The following MAN2C1 variants were observed in gnomAD, a reference collection of about 807,000 sequenced individuals.
The protein encoded by MAN2C1 is mannosidase alpha class 2C member 1.
Under a neutral mutation model 126.9 loss-of-function variants are expected in MAN2C1, and 111 were observed. The ratio of observed to expected loss-of-function variants is 0.87; its 90% confidence interval spans 0.75 to 1.02. The LOEUF (loss-of-function observed/expected upper bound fraction) is 1.02, where lower values mean the gene tolerates loss of function less well. Ranked by LOEUF, MAN2C1 falls within the 50% of genes least tolerant of loss-of-function variation. The probability of loss-of-function intolerance (pLI) is 0.00; values close to 1 mark genes in which losing one functional copy is unlikely to be tolerated. For missense variants in MAN2C1, 1,363 were observed against 1,364.4 expected, an observed-to-expected ratio of 1.00 and a Z score of 0.02; for synonymous variants, 567 against 561.5, an observed-to-expected ratio of 1.01 and a Z score of -0.14.
At position 75,358,778 on chromosome 15, in the gene MAN2C1, G is replaced by A. The variant is rs368613268; in HGVS notation, c.2172C>T (p.Asn724=). ...GGACATCATCAAATAGCACAAACTG[G>A]TTCCCCACGGCGCCCTCAGCAATGG... is the stretch of plus-strand genomic sequence containing the variant. The part of the protein sequence containing the change: ...REAIAEGAVG[N]QFVLFDDVPL... The change falls in exon 19 of 26, where the codon AAC becomes AAT. Residue 724 remains asparagine, a synonymous_variant. Transcript: ENST00000267978. 5.0e-6 allele frequency: 8 copies of A among 1,613,500 alleles called. No homozygotes were observed. The highest frequency in any genetic ancestry group is 3.3e-5 in the Admixed American group (2 of 59,942).
rs1170442237 is a variant in MAN2C1 at position 75,356,173 on chromosome 15, T to A, written c.2933A>T (p.Glu978Val). 7 of 1,613,552 alleles carry A rather than the reference T, an allele frequency of 4.3e-6. No individual in the cohort carries two copies. The highest frequency in any genetic ancestry group is 5.1e-6 in the Non-Finnish European group (6 of 1,179,954). Reference sequence around the variant, plus strand: ...GCAGTCCACGTGGCTGCCGTGGGCCTCATACAGCCTCAGGACCAGCGAGCG... The same window carrying A: ...GCAGTCCACGTGGCTGCCGTGGGCCACATACAGCCTCAGGACCAGCGAGCG... ...QRRSLVLRLYEAHGSHVDCWL... is the reference protein window; with the variant it reads ...QRRSLVLRLYVAHGSHVDCWL... The change falls in exon 25 of 26, where the codon GAG becomes GTG. Residue 978 changes from glutamate (E) to valine (V), a missense_variant. Around this residue, in one of 3 missense-constraint regions of MAN2C1, gnomAD observed 668 missense variants for 650.1 expected, o/e 1.03. Coordinates refer to ENST00000267978, the MANE Select transcript of MAN2C1 (RefSeq NM_006715.4). This position sits in a 1 kb window ranked among gnomAD's most constrained non-coding sequence, Gnocchi z 5.8.
intron 19 of MAN2C1, 23 bp downstream of exon 19, chr15:75,358,681 C>CCCACATACTGCCCAGCCCATA (rs1555434782): frequency 3.7e-6 from 6 of 1,603,640 alleles, no homozygotes; most frequent in Non-Finnish European, 5.1e-6. Context: ...CTCCACCATC[C>CCCACATACTGCCCAGCCCATA]CCACATGCTG....
At position 75,358,730 on chromosome 15, in the gene MAN2C1, G is replaced by T. The variant is rs376793963; in HGVS notation, c.2220C>A (p.Asp740Glu). The T allele has an allele frequency of 1.2e-5, 14 of 1,206,822 alleles. No homozygotes were observed. Among genetic ancestry groups the T allele is most frequent in the Non-Finnish European group, 1.7e-5 (14 of 834,196 alleles). 74.8% of individuals were successfully genotyped at this position (1,206,822 alleles called of 1,614,324 possible). A position where few individuals can be genotyped will look rare whatever the true frequency, so the allele number is the denominator to read the frequency against. Residue 740 changes from aspartate (D) to glutamate (E), a missense_variant, in exon 19 of 26, where the codon GAC becomes GAA. Physicochemically the swap from Asp to Glu is conservative, Grantham distance 45. Coordinates refer to ENST00000267978, the MANE Select transcript of MAN2C1 (RefSeq NM_006715.4). ...DDVPLYWDAWDVMDYHLETRK... is the reference protein window; with the variant it reads ...DDVPLYWDAWEVMDYHLETRK... ...GTGTCTCCAGGTGGTAGTCCATGAC[G>T]TCCCATGCATCCCAGTACAAGGGGA...
chr15:75,361,919 A>G lies in MAN2C1; in HGVS notation c.1037T>C (p.Met346Thr). Reference sequence around the variant, plus strand: ...CTGGCCCTGCAAAAACTGCCTCACCATGGCCTCTCCACTGGGCAGGTTCCC... The same window carrying G: ...CTGGCCCTGCAAAAACTGCCTCACCGTGGCCTCTCCACTGGGCAGGTTCCC... ...MDGNLPSGEA[M>T]VRQFLQGQNF... The change falls in exon 9 of 26, where the codon ATG becomes ACG. Residue 346 changes from methionine (M) to threonine (T), a missense_variant. Met to Thr is a moderately conservative substitution (Grantham distance 81). Transcript: ENST00000267978. This position sits in a 1 kb window ranked among gnomAD's most constrained non-coding sequence, Gnocchi z 5.0. 3 of 1,614,090 alleles carry G rather than the reference A, an allele frequency of 1.9e-6. No individual in the cohort carries two copies. Among genetic ancestry groups the G allele is most frequent in the Non-Finnish European group, 2.5e-6 (3 of 1,179,992 alleles).
chr15:75,363,520 A>G (rs941121432), intron 6 of MAN2C1, among the ~76,000 whole-genome samples: 2 of 152,146 alleles, frequency 1.3e-5, no homozygotes, highest in African/African-American at 4.8e-5. Flanking sequence ...GAAAGAATAA[A>G]TGAGGCTGGG....
chr15:75,356,561 A>G lies in MAN2C1; in HGVS notation c.2737+45T>C. On this transcript the variant is annotated intron_variant, in intron 23 of 25. Coordinates refer to ENST00000267978, the MANE Select transcript of MAN2C1 (RefSeq NM_006715.4). This position sits in a 1 kb window ranked among gnomAD's most constrained non-coding sequence, Gnocchi z 5.8. The stretch of plus-strand genomic sequence containing the variant: ...GGTTTGGGCTCAGGGAAGGGCAGAG[A>G]GGTGTCTAGGGCTGCAGGAAGGCCC... 1 of 1,549,106 alleles carries G rather than the reference A, an allele frequency of 6.5e-7. No individual in the cohort carries two copies. The highest frequency in any genetic ancestry group is 8.7e-7 in the Non-Finnish European group (1 of 1,145,516).
chr15:75,363,027 C>T (rs775631383), intron 6 of MAN2C1: 3 of 450,762 alleles, frequency 6.7e-6, no homozygotes, highest in Admixed American at 3.3e-5. Context: ...ATTAGACATC[C>T]CCTAGAGGAT....
chr15:75,367,220 G>A (rs746539677), intron 3 of MAN2C1, among the ~76,000 whole-genome samples: 3 of 152,108 alleles, frequency 2.0e-5, no homozygotes, highest in Admixed American at 6.5e-5. Context: ...GCATGAATAA[G>A]ACACTTAACA....
Position 75,359,972 on chromosome 15 carries a change from G to A in MAN2C1, c.1723C>T (p.Gln575Ter). 1 of 1,613,960 alleles carries A rather than the reference G, an allele frequency of 6.2e-7. No individual in the cohort carries two copies. The highest frequency in any genetic ancestry group is 8.5e-7 in the Non-Finnish European group (1 of 1,179,900). The part of the protein sequence containing the change: ...QHLWRLLLLN[Q>*]FHDVVTGSCI... ...CTTCCAGTCACCACATCATGGAACTGGTTCAGAAGAAGGAGCCTGCAGGGG... is the reference window on the plus strand; with the variant it reads ...CTTCCAGTCACCACATCATGGAACTAGTTCAGAAGAAGGAGCCTGCAGGGG... The change falls in exon 15 of 26, where the codon CAG (glutamine) becomes TAG (stop). Residue 575 changes from glutamine (Q) to a stop codon, truncating the protein, a stop_gained. Transcript: ENST00000267978. LOFTEE classifies it high-confidence loss of function.
chr15:75,358,883 G>A, intron 18 of MAN2C1, 75 bp from the exon 19 acceptor site: 1 of 1,394,946 alleles, frequency 7.2e-7, no homozygotes, highest in Non-Finnish European at 1.0e-6. Flanking sequence ...GGGGTAGGGT[G>A]GAGTGAGTAG....
chr15:75,365,114 G>A (rs1025021225), intron 4 of MAN2C1, among the ~76,000 whole-genome samples: 2 of 152,162 alleles, frequency 1.3e-5, no homozygotes, highest in African/African-American at 4.8e-5. Flanking sequence ...GCTTCAGAGA[G>A]CAAACACGAC....
chr15:75,364,117 G>T lies in MAN2C1; in HGVS notation c.672C>A (p.Asp224Glu), dbSNP rs1257045523. 1.2e-6 allele frequency: 2 copies of T among 1,614,204 alleles called. No individual in the cohort carries two copies. Among genetic ancestry groups the T allele is most frequent in the East Asian group, 2.2e-5 (1 of 44,880 alleles). ...CTGGGAAGGTCTCGGGCTGGGCAGG[G>T]TCACACACGTTCACCATCTGATTGG... ...YTANQMVNVC[D>E]PAQPETFPVA... Residue 224 changes from aspartate to glutamate, a missense_variant, in exon 6 of 26, where the codon GAC becomes GAA. Around this residue, in one of 3 missense-constraint regions of MAN2C1, gnomAD observed 628 missense variants for 609.8 expected, o/e 1.03. Coordinates refer to ENST00000267978, the MANE Select transcript of MAN2C1 (RefSeq NM_006715.4).
At chr15:75,357,190 C>T in intron 21 of MAN2C1, 1 of 361,594 alleles carries the variant, frequency 2.8e-6, no homozygotes, top group East Asian at 6.0e-5. Context: ...GTCACCCAGG[C>T]TGGAGTGCAG....
intron 21 of MAN2C1, 138 bp from the exon 22 acceptor site, chr15:75,357,040 T>C (rs2072336623): frequency 1.5e-6 from 1 of 661,408 alleles, no homozygotes; most frequent in East Asian, 2.7e-5. Context: ...TACGGGGCCC[T>C]GGGCATGCCA....
In MAN2C1 at chr15:75,360,666, G is replaced by C; in HGVS notation, c.1483C>G (p.Gln495Glu). 1 of 1,613,822 alleles carries C rather than the reference G, an allele frequency of 6.2e-7. No homozygotes were observed. Among genetic ancestry groups the C allele is most frequent in the South Asian group, 1.1e-5 (1 of 91,088 alleles). The change falls in exon 13 of 26, where the codon CAG becomes GAG. Residue 495 changes from glutamine (Q) to glutamate (E), a missense_variant. By Grantham distance (29) the Gln-to-Glu change is conservative (BLOSUM62 2). Around this residue, in one of 3 missense-constraint regions of MAN2C1, gnomAD observed 67 missense variants for 104.5 expected, o/e 0.64. Transcript: ENST00000267978. ...LPRVQLSSPR[Q>E]LFSALESDSE... ...TCACTCTCCAGTGCTGAGAAGAGCTGTCTTGGAGAAGATAGCTGCACCCTG... is the reference window on the plus strand; with the variant it reads ...TCACTCTCCAGTGCTGAGAAGAGCTCTCTTGGAGAAGATAGCTGCACCCTG...
chr15:75,357,025 C>T (rs1173618758), intron 21 of MAN2C1, 123 bp from the exon 22 acceptor site: 6 of 761,646 alleles, frequency 7.9e-6, no homozygotes, highest in Non-Finnish European at 1.3e-5. Flanking sequence ...CTCCAGCTCC[C>T]ACTGTACGGG....
intron 17 of MAN2C1, 28 bp downstream of exon 17, chr15:75,359,300 C>T: frequency 6.3e-7 from 1 of 1,576,074 alleles, no homozygotes; most frequent in Non-Finnish European, 8.6e-7. Context: ...CAGCACAGTT[C>T]CTGCCCCCCA....
intron 1 of MAN2C1, 31 bp from the exon 2 acceptor site, chr15:75,368,229 G>A: frequency 3.2e-6 from 5 of 1,578,648 alleles, no homozygotes; most frequent in Non-Finnish European, 4.3e-6. Flanking sequence ...GGCACATGCT[G>A]GAGGCCGCCC....
chr15:75,359,602 C>G lies in MAN2C1; in HGVS notation c.1948+18G>C, dbSNP rs1266626128. On this transcript the variant is annotated intron_variant, in intron 16 of 25. Coordinates refer to ENST00000267978, the MANE Select transcript of MAN2C1 (RefSeq NM_006715.4). ...CATCCTTCCTGCTGCAGTAGCAACC[C>G]TTCCCCTCAGCTCGTACCTAGGCTG... The G allele has an allele frequency of 6.2e-7, 1 of 1,612,578 alleles. No individual in the cohort carries two copies. Among genetic ancestry groups the G allele is most frequent in the South Asian group, 1.1e-5 (1 of 90,898 alleles).
Sources: gnomAD v4.1 joint callset for allele counts (sites outside exome capture counted in the v4.1 genomes callset) on GRCh38, gnomAD v4.1.1 for gene constraint, gnomAD v4.1.1 regional missense constraint, Gnocchi (gnomAD v3.1) non-coding constraint, MANE v1.5 for transcripts, NCBI Gene and HGNC (gene_info 2026-07-23, HGNC 2026-07-21) for gene names.